Variants in PRKN observed in about 807,000 individuals in gnomAD.
The protein encoded by PRKN is E3 ubiquitin-protein ligase parkin.
In PRKN, 56 loss-of-function variants were observed where a neutral mutation model predicts 59.5. The observed-to-expected ratio is 0.94, with a 90% CI of 0.76 to 1.18. PRKN has a LOEUF of 1.18. Among genes scored for constraint, PRKN ranks in the 50% most tolerant of loss-of-function variants. The probability of loss-of-function intolerance (pLI) is 0.00; values close to 1 mark genes in which losing one functional copy is unlikely to be tolerated. For missense variants in PRKN, 657 were observed against 596.4 expected, an observed-to-expected ratio of 1.10 and a Z score of -1.06; for synonymous variants, 250 against 222.1, an observed-to-expected ratio of 1.13 and a Z score of -1.12.
At chr6:161,677,736 C>G (rs1218502331) in intron 7 of PRKN, among the ~76,000 whole-genome samples, 1 of 152,176 alleles carries the variant, frequency 6.6e-6, no homozygotes, top group Admixed American at 6.5e-5. Context: ...CCTCAGGACA[C>G]TAAGTGGAGA....
intron 1 of PRKN, among the ~76,000 whole-genome samples, chr6:162,554,035 C>T (rs1463189384): frequency 6.6e-6 from 1 of 152,000 alleles, no homozygotes; most frequent in Non-Finnish European, 1.5e-5. Context: ...GCTGGAGACG[C>T]GAATGCTTCA....
intron 7 of PRKN, among the ~76,000 whole-genome samples, chr6:161,680,726 CATATATATATATATATATATATAT>C (rs56954052): frequency 0.099 from 5,057 of 50,882 alleles, 289 homozygotes; most frequent in East Asian, 0.12. Flanking sequence ...TCCTGAAATA[CATATATATATATATATATATATAT>C]ATATATATAT....
intron 1 of PRKN, among the ~76,000 whole-genome samples, chr6:162,716,302 T>C (rs1319937762): frequency 6.6e-6 from 1 of 152,258 alleles, no homozygotes; most frequent in Non-Finnish European, 1.5e-5. Context: ...CCAAATTCTA[T>C]GCTGACATCT....
intron 2 of PRKN, among the ~76,000 whole-genome samples, chr6:162,284,164 C>G (rs1019662006): frequency 3.4e-5 from 5 of 148,776 alleles, no homozygotes; most frequent in African/African-American, 1.2e-4. Flanking sequence ...AGAGTAATTT[C>G]AGAGATTTTG....
intron 2 of PRKN, among the ~76,000 whole-genome samples, chr6:162,348,755 C>T (rs557301172): frequency 2.4e-4 from 37 of 152,018 alleles, no homozygotes; most frequent in African/African-American, 8.9e-4. Flanking sequence ...ATTTGGTCTA[C>T]AGACTGTAAT....
At chr6:161,872,200 C>T (rs769015181) in intron 6 of PRKN, among the ~76,000 whole-genome samples, 5 of 151,600 alleles carry the variant, frequency 3.3e-5, no homozygotes, top group South Asian at 2.1e-4. Context: ...GGACAGAGAA[C>T]GTCAGTGGGA....
At chr6:162,102,735 AAC>A (rs1491578987) in intron 4 of PRKN, among the ~76,000 whole-genome samples, 1 of 144,274 alleles carries the variant, frequency 6.9e-6, no homozygotes, top group Non-Finnish European at 1.5e-5. Context: ...GCTGATGAAG[AAC>A]ACACAGGGCA....
intron 9 of PRKN, among the ~76,000 whole-genome samples, chr6:161,426,650 C>CAT (rs1788373173): frequency 1.0e-5 from 1 of 96,988 alleles, no homozygotes; most frequent in Non-Finnish European, 2.0e-5. Flanking sequence ...CCTTTACACA[C>CAT]ACACACACAC....
rs570263402 is a variant in PRKN at position 162,611,444 on chromosome 6, A to G, written c.7+116218T>C. On this transcript the variant is annotated intron_variant, in intron 1 of 11. Transcript: ENST00000366898. ...AGGAGATTTGGTATTAACTGACAAC[A>G]GCTTCCATACAAATCAACAGCTTAT... 5.9e-5 allele frequency among the ~76,000 whole-genome samples: 9 copies of G among 152,342 alleles called. No individual in the cohort carries two copies. The South Asian group carries it at 1.7e-3, about 28-fold the overall frequency.
At position 161,903,442 on chromosome 6, in the gene PRKN, G is replaced by A. The variant is rs184470625; in HGVS notation, c.734+69860C>T. ...ACCAAGGAGACAGAAGTCAAACTTC[G>A]CGAAGGCAAAGAAAAGAGGGTGGGA... On this transcript the variant is annotated intron_variant, in intron 6 of 11. Transcript: ENST00000366898. Among the ~76,000 whole-genome samples the A allele has an allele frequency of 1.0e-3, 155 of 152,278 alleles. 3 individuals are homozygous for A. In the Middle Eastern group the frequency reaches 0.017, roughly 17 times the overall value.
intron 1 of PRKN, among the ~76,000 whole-genome samples, chr6:162,680,161 T>C (rs1477180909): frequency 6.6e-6 from 1 of 151,368 alleles, no homozygotes; most frequent in East Asian, 1.9e-4. Context: ...ACTTAATATA[T>C]ACTTAATTAA....
rs370683142 is a variant in PRKN at position 162,195,550 on chromosome 6, T to C, written c.534+5581A>G. Among the ~76,000 whole-genome samples the C allele has an allele frequency of 2.6e-5, 4 of 152,356 alleles. No homozygotes were observed. In the South Asian group the frequency reaches 8.3e-4, roughly 32 times the overall value. ...AACTAATTTTAAACAAAATCCATCA[T>C]GCCAGGCACTTTACATCTTACTCTA... On this transcript the variant is annotated intron_variant, in intron 4 of 11. Transcript: ENST00000366898.
intron 3 of PRKN, among the ~76,000 whole-genome samples, chr6:162,227,773 C>A (rs1778244550): frequency 6.6e-6 from 1 of 152,086 alleles, no homozygotes. Flanking sequence ...GCTACTTAGT[C>A]AAAGCTGGCA....
chr6:161,929,074 CCAA>C (rs1379784710), intron 6 of PRKN, among the ~76,000 whole-genome samples: 1 of 152,104 alleles, frequency 6.6e-6, no homozygotes, highest in African/African-American at 2.4e-5. Context: ...ACTCCAAATG[CCAA>C]TCAACAGGTG....
At chr6:161,886,731 A>AACAAC (rs556154210) in intron 6 of PRKN, among the ~76,000 whole-genome samples, 3 of 70,168 alleles carry the variant, frequency 4.3e-5, no homozygotes, top group Non-Finnish European at 6.0e-5. Context: ...AATAACATAA[A>AACAAC]ATAAAATAAA....
At chr6:161,842,483 T>A (rs1583234329) in intron 6 of PRKN, among the ~76,000 whole-genome samples, 3 of 136,298 alleles carry the variant, frequency 2.2e-5, no homozygotes, top group Admixed American at 7.2e-5. Context: ...AAAAAAAAAA[T>A]AGCCATGGGC....
At chr6:161,517,761 A>AAAAAAAAAAAG (rs1466879535) in intron 9 of PRKN, among the ~76,000 whole-genome samples, 1 of 149,408 alleles carries the variant, frequency 6.7e-6, no homozygotes, top group Non-Finnish European at 1.5e-5. Flanking sequence ...AAAAAAAAAA[A>AAAAAAAAAAAG]AAAAGAGTTG....
Position 161,548,690 on chromosome 6 carries a change from T to C in PRKN, c.1083+164A>G. 6 of 678,360 alleles carry C rather than the reference T, an allele frequency of 8.8e-6. No homozygotes were observed. In the South Asian group the frequency reaches 1.2e-4, roughly 14 times the overall value. The allele number at this position is 678,360 out of a possible 1,614,324, so 42.0% of individuals were successfully genotyped here. On this transcript the variant is annotated intron_variant, in intron 9 of 11. Coordinates refer to ENST00000366898, the MANE Select transcript of PRKN (RefSeq NM_004562.3). The surrounding 1 kb of genome is among the most constrained non-coding windows in gnomAD (Gnocchi z 4.2). ...AAATAAATACATAAATTTTCAAATC[T>C]GGAGTCCTATAAAGGAATTTAAAAT...
intron 4 of PRKN, among the ~76,000 whole-genome samples, chr6:162,174,338 C>T (rs78673431): frequency 0.011 from 1,636 of 152,252 alleles, 28 homozygotes; most frequent in African/African-American, 0.038. Flanking sequence ...TTTGCCCACA[C>T]GCTAAATAAA....
Sources: gnomAD v4.1 joint callset for allele counts (sites outside exome capture counted in the v4.1 genomes callset) on GRCh38, gnomAD v4.1.1 for gene constraint, Gnocchi (gnomAD v3.1) non-coding constraint, MANE v1.5 for transcripts, NCBI Gene and HGNC (gene_info 2026-07-23, HGNC 2026-07-21) for gene names.